Variants in ADAMTSL1 observed in about 807,000 individuals in gnomAD.
The protein encoded by ADAMTSL1 is ADAMTS like 1.
A neutral mutation model predicts 201.8 loss-of-function variants in ADAMTSL1; 126 were observed. The observed-to-expected ratio is 0.62, with a 90% confidence interval of 0.54 to 0.72. The LOEUF is 0.72. Ranked by LOEUF, ADAMTSL1 falls within the 30% of genes least tolerant of loss-of-function variation. The pLI, the probability that ADAMTSL1 is intolerant of heterozygous loss-of-function variation, is 0.00. For synonymous variants in ADAMTSL1, 1,121 were observed against 903.4 expected (o/e 1.24, Z -4.32); for missense variants, 2,679 against 2,277.8 (o/e 1.18, Z -3.59).
rs575773000 is a variant in ADAMTSL1, at chr9:18,025,980, A to G, written c.87+119058A>G. On this transcript the variant is annotated intron_variant, in intron 1 of 29. Transcript: ENST00000680146. ...AGAGATCATTCACCTCCTTGGTTAGATGTATTCCTAGGTATTTTTTTGTGG... is the reference window on the plus strand; with the variant it reads ...AGAGATCATTCACCTCCTTGGTTAGGTGTATTCCTAGGTATTTTTTTGTGG... 3.3e-5 allele frequency among the ~76,000 whole-genome samples: 5 copies of G among 151,938 alleles called. No individual in the cohort carries two copies. In the East Asian group the frequency reaches 9.7e-4, roughly 29 times the overall value.
chr9:18,305,033 A>G (rs1456368507), intron 2 of ADAMTSL1, among the ~76,000 whole-genome samples: 1 of 152,152 alleles, frequency 6.6e-6, no homozygotes, highest in Non-Finnish European at 1.5e-5. Flanking sequence ...GCCTGGTTAG[A>G]CAGTGGGTGC....
chr9:17,953,556 C>T (rs975862141), intron 1 of ADAMTSL1, among the ~76,000 whole-genome samples: 1 of 152,130 alleles, frequency 6.6e-6, no homozygotes, highest in Non-Finnish European at 1.5e-5. Context: ...ATAATAAAAA[C>T]AATCAAAATG....
At chr9:18,649,887 C>G (rs529452256) in intron 7 of ADAMTSL1, among the ~76,000 whole-genome samples, 26 of 152,278 alleles carry the variant, frequency 1.7e-4, no homozygotes, top group Admixed American at 1.1e-3. Flanking sequence ...AGATCTCCAG[C>G]TGCGTGCTGG....
intron 1 of ADAMTSL1, among the ~76,000 whole-genome samples, chr9:18,487,422 T>C (rs1475151761): frequency 6.6e-6 from 1 of 152,192 alleles, no homozygotes; most frequent in African/African-American, 2.4e-5. Flanking sequence ...GGTATTTATG[T>C]TTTAAATCAC....
At chr9:18,726,737 G>T (rs1287645182) in intron 15 of ADAMTSL1, among the ~76,000 whole-genome samples, 1 of 152,186 alleles carries the variant, frequency 6.6e-6, no homozygotes, top group East Asian at 1.9e-4. Flanking sequence ...GAAAATGAAG[G>T]AAATTCCAAG....
intron 10 of ADAMTSL1, among the ~76,000 whole-genome samples, chr9:18,676,736 A>T (rs1830153526): frequency 6.6e-6 from 1 of 152,072 alleles, no homozygotes; most frequent in Admixed American, 6.6e-5. Context: ...ATTTAGAACC[A>T]AGGGTTTATA....
intron 23 of ADAMTSL1, among the ~76,000 whole-genome samples, chr9:18,882,656 G>T (rs111728510): frequency 4.6e-5 from 7 of 152,076 alleles, no homozygotes; most frequent in Admixed American, 1.3e-4. Context: ...CCTAGATGCC[G>T]CCAGGAGCTT....
At chr9:18,385,776 G>C (rs533625262) in intron 2 of ADAMTSL1, among the ~76,000 whole-genome samples, 2 of 152,244 alleles carry the variant, frequency 1.3e-5, no homozygotes, top group African/African-American at 4.8e-5. Context: ...CCCCACTCCA[G>C]TAGTATTTGG....
At chr9:17,950,306 C>T (rs1427330075) in intron 1 of ADAMTSL1, among the ~76,000 whole-genome samples, 1 of 151,978 alleles carries the variant, frequency 6.6e-6, no homozygotes, top group Non-Finnish European at 1.5e-5. Flanking sequence ...CTAGAAAAAA[C>T]TTATATACCT....
At chr9:18,159,395 A>C (rs141499187) in intron 1 of ADAMTSL1, among the ~76,000 whole-genome samples, 1 of 152,146 alleles carries the variant, frequency 6.6e-6, no homozygotes, top group East Asian at 1.9e-4. Context: ...TGATCATTTC[A>C]GGGCATGTTT....
intron 23 of ADAMTSL1, among the ~76,000 whole-genome samples, chr9:18,843,569 T>C (rs969291118): frequency 1.2e-4 from 18 of 150,706 alleles, no homozygotes; most frequent in Non-Finnish European, 2.5e-4. Context: ...TTCCTGAATC[T>C]GAATGTTGCC....
At chr9:18,034,101 C>T (rs1821092753) in intron 1 of ADAMTSL1, among the ~76,000 whole-genome samples, 1 of 152,136 alleles carries the variant, frequency 6.6e-6, no homozygotes, top group African/African-American at 2.4e-5. Context: ...TTATATCTCT[C>T]ATTTTCTACA....
At chr9:18,154,457 C>T (rs1827060486) in intron 1 of ADAMTSL1, among the ~76,000 whole-genome samples, 1 of 152,164 alleles carries the variant, frequency 6.6e-6, no homozygotes. Flanking sequence ...GACACTGGAA[C>T]ATCTGAGTCT....
chr9:18,737,915 C>T (rs1210479758), intron 15 of ADAMTSL1, among the ~76,000 whole-genome samples: 3 of 152,196 alleles, frequency 2.0e-5, no homozygotes, highest in African/African-American at 7.2e-5. Flanking sequence ...AGTTCAAATC[C>T]TGGCTCCACC....
intron 1 of ADAMTSL1, among the ~76,000 whole-genome samples, chr9:17,937,580 TA>T (rs1443637142): frequency 6.6e-6 from 1 of 152,086 alleles, no homozygotes; most frequent in Non-Finnish European, 1.5e-5. Flanking sequence ...TAACCCTTTT[TA>T]GATGGAGGGG....
intron 3 of ADAMTSL1, among the ~76,000 whole-genome samples, chr9:18,569,434 C>T (rs1413693316): frequency 6.6e-6 from 1 of 152,076 alleles, no homozygotes; most frequent in Non-Finnish European, 1.5e-5. Flanking sequence ...AGAAAATAGA[C>T]TTTTATAGTG....
rs560736706 is a variant in ADAMTSL1, at chr9:18,867,146, G to A, written c.4250-20685G>A. Among the ~76,000 whole-genome samples the A allele has an allele frequency of 1.4e-3, 219 of 152,282 alleles. 1 individual carries two copies. Among genetic ancestry groups the A allele is most frequent in the African/African-American group, 5.1e-3 (212 of 41,546 alleles). ...CAATAAGAGGAGGACAGATATGAAGGGACTAGCAGATTCTGCCACACACAG... is the reference window on the plus strand; with the variant it reads ...CAATAAGAGGAGGACAGATATGAAGAGACTAGCAGATTCTGCCACACACAG... On this transcript the variant is annotated intron_variant, in intron 23 of 28. Coordinates refer to ENST00000380548, the MANE Select transcript of ADAMTSL1 (RefSeq NM_001040272.6).
Position 18,314,860 on chromosome 9 carries a change from G to C in ADAMTSL1, c.207+150879G>C, listed in dbSNP as rs557251584. Among the ~76,000 whole-genome samples, 36 of 134,024 alleles carry C rather than the reference G, an allele frequency of 2.7e-4. No individual in the cohort carries two copies. The East Asian group carries it at 4.8e-3, about 18-fold the overall frequency. The allele number at this position is 134,024 out of a possible 152,430, so 87.9% of individuals were successfully genotyped here. A position where few individuals can be genotyped will look rare whatever the true frequency, so the allele number is the denominator to read the frequency against. On this transcript the variant is annotated intron_variant, in intron 2 of 29. Transcript: ENST00000680146. ...CGCCCAGGCTGGAGTGCAGTGGCGCGATCTCGGCTCACTGCAAGCTCCGCC... is the reference window on the plus strand; with the variant it reads ...CGCCCAGGCTGGAGTGCAGTGGCGCCATCTCGGCTCACTGCAAGCTCCGCC...
chr9:18,103,428 C>T (rs1824619927), intron 1 of ADAMTSL1, among the ~76,000 whole-genome samples: 1 of 152,048 alleles, frequency 6.6e-6, no homozygotes, highest in South Asian at 2.1e-4. Flanking sequence ...ATGTCAAGAA[C>T]ATGAATAAAT....
Sources: gnomAD v4.1 joint callset for allele counts (sites outside exome capture counted in the v4.1 genomes callset) on GRCh38, gnomAD v4.1.1 for gene constraint, MANE v1.5 for transcripts, NCBI Gene and HGNC (gene_info 2026-07-23, HGNC 2026-07-21) for gene names.